The following LY6G5C variants were observed in gnomAD, a reference collection of about 807,000 sequenced individuals.
LY6G5C encodes lymphocyte antigen 6 family member G5C, also known as lymphocyte antigen 6 complex locus protein G5c.
A neutral mutation model predicts 10.5 loss-of-function variants in LY6G5C; 6 were observed. That is an observed-to-expected ratio of 0.57 (90% CI 0.31 to 1.12). The LOEUF (loss-of-function observed/expected upper bound fraction) is 1.12. Among genes scored for constraint, LY6G5C ranks in the 50% most tolerant of loss-of-function variants. The pLI is 0.05. For missense variants in LY6G5C, 160 were observed against 185.5 expected (o/e 0.86, Z 0.80); for synonymous variants, 69 against 67.8 (o/e 1.02, Z -0.09).
chr6:31,680,747 A>G (rs942683516), upstream of LY6G5C, among the ~76,000 whole-genome samples: 7 of 152,174 alleles, frequency 4.6e-5, no homozygotes, highest in African/African-American at 1.2e-4. The surrounding 1 kb of genome is among the most constrained non-coding windows in gnomAD (Gnocchi z 4.5). Flanking sequence ...CGACAGTTAA[A>G]CCACTGACCA....
chr6:31,680,079 C>A lies in LY6G5C; in HGVS notation c.121+174G>T. 1 of 630,028 alleles carries A rather than the reference C, an allele frequency of 1.6e-6. No individual in the cohort carries two copies. The highest frequency in any genetic ancestry group is 2.9e-5 in the Admixed American group (1 of 34,418). 39.0% of individuals were successfully genotyped at this position (630,028 alleles called of 1,614,324 possible). ...ATAATAATAATAAATTTTTAAAAAT[C>A]TTCAGATTGCACATCAGTCCATGAG... On this transcript the variant is annotated intron_variant, in intron 1 of 2. Transcript: ENST00000383237. The surrounding 1 kb of genome is among the most constrained non-coding windows in gnomAD (Gnocchi z 4.5).
chr6:31,677,218 G>GAAAAAT, intron 2 of LY6G5C, 98 bp from the exon 3 acceptor site: 1 of 1,289,022 alleles, frequency 7.8e-7, no homozygotes, highest in South Asian at 1.4e-5. Context: ...AAAAGAAAAA[G>GAAAAAT]AAAAGATTCC....
intron 2 of LY6G5C, among the ~76,000 whole-genome samples, chr6:31,678,496 CAGG>C (rs998983858): frequency 3.3e-5 from 5 of 152,200 alleles, no homozygotes; most frequent in Non-Finnish European, 7.3e-5. Context: ...GTGGAGGATG[CAGG>C]AGAAGAGCAA....
In LY6G5C at chr6:31,679,276, A is replaced by T. The variant is rs747256276; in HGVS notation, c.122-8T>A. On this transcript the variant is annotated splice_polypyrimidine_tract_variant and splice_region_variant and intron_variant, in intron 1 of 2. Coordinates refer to ENST00000383237, the Ensembl canonical transcript of LY6G5C. The surrounding 1 kb of genome is among the most constrained non-coding windows in gnomAD (Gnocchi z 4.4). ...TGACAGGAACAAACTTACCTAGAAC[A>T]CAGAGAAGTGCTGACCCCACTCACA... 7.4e-6 allele frequency: 12 copies of T among 1,612,994 alleles called. No individual in the cohort carries two copies. The Admixed American group carries it at 2.0e-4, about 27-fold the overall frequency.
rs1716953680 is a variant in LY6G5C, at chr6:31,679,814, A to G, written c.121+439T>C. Reference sequence around the variant, plus strand: ...TGTAATCCCAGCACTTTGGGAGGCCAAGGCGGGCAGGTACCTGAGGTCAGG... The same window carrying G: ...TGTAATCCCAGCACTTTGGGAGGCCGAGGCGGGCAGGTACCTGAGGTCAGG... On this transcript the variant is annotated intron_variant, in intron 1 of 2. Coordinates refer to ENST00000383237, the Ensembl canonical transcript of LY6G5C. The surrounding 1 kb of genome is among the most constrained non-coding windows in gnomAD (Gnocchi z 4.4). 5.3e-6 allele frequency: 1 copy of G among 188,106 alleles called. No individual in the cohort carries two copies. The highest frequency in any genetic ancestry group is 5.3e-5 in the Admixed American group (1 of 18,698). 11.7% of individuals were successfully genotyped at this position (188,106 alleles called of 1,614,324 possible).
chr6:31,676,846 A>C, exon 3 of LY6G5C: 1 of 1,026,376 alleles, frequency 9.7e-7, no homozygotes, highest in Non-Finnish European at 1.5e-6. Context: ...GGCTGGAGGG[A>C]GGCAAGGAGG....
At chr6:31,677,837 A>G (rs1802665408) in intron 2 of LY6G5C, among the ~76,000 whole-genome samples, 1 of 152,164 alleles carries the variant, frequency 6.6e-6, no homozygotes, top group African/African-American at 2.4e-5. Context: ...TGCAGGAGGG[A>G]TCATCCAGAA....
upstream of LY6G5C, chr6:31,680,508 A>T: frequency 7.2e-6 from 7 of 976,788 alleles, no homozygotes; most frequent in Non-Finnish European, 1.0e-5. This position sits in a 1 kb window ranked among gnomAD's most constrained non-coding sequence, Gnocchi z 4.5. Flanking sequence ...TCGCACCCAC[A>T]GCCACTCTGG....
downstream of LY6G5C, chr6:31,676,695 C>T (rs1562068139): frequency 4.2e-6 from 2 of 480,614 alleles, no homozygotes; most frequent in African/African-American, 1.9e-5. Flanking sequence ...ACAGTTTACA[C>T]ACAAATTTAT....
At chr6:31,678,976 A>T (rs1343311102) in intron 2 of LY6G5C, 125 bp downstream of exon 2, 1 of 1,133,062 alleles carries the variant, frequency 8.8e-7, no homozygotes, top group Non-Finnish European at 1.3e-6. Context: ...CAGCAAAAAA[A>T]AAAAGACAGG....
Position 31,680,197 on chromosome 6 carries a change from C to G in LY6G5C, c.121+56G>C. ...ACAGGTGTACCCAGACACTTGGTGTCTGTGGGTTTCTCCATCCAGGCCAGG... is the reference window on the plus strand; with the variant it reads ...ACAGGTGTACCCAGACACTTGGTGTGTGTGGGTTTCTCCATCCAGGCCAGG... On this transcript the variant is annotated intron_variant, in intron 1 of 2. Transcript: ENST00000383237. The surrounding 1 kb of genome is among the most constrained non-coding windows in gnomAD (Gnocchi z 4.5). 1.2e-6 allele frequency: 2 copies of G among 1,610,530 alleles called. No individual in the cohort carries two copies. The highest frequency in any genetic ancestry group is 1.7e-6 in the Non-Finnish European group (2 of 1,177,926).
At chr6:31,677,065 A>G (rs953865502) in exon 3 of LY6G5C, 12 of 1,612,916 alleles carry the variant, frequency 7.4e-6, no homozygotes, top group African/African-American at 1.3e-5. Context: ...TATTTGAACA[A>G]TCACTCATCT....
Position 31,679,361 on chromosome 6 carries a change from C to G in LY6G5C, c.122-93G>C. ...TCCAGGCCACTCAGCCCCACTCCTC[C>G]CTCCCTTCCTGTCTCAGAAAACCAT... On this transcript the variant is annotated intron_variant, in intron 1 of 2. Coordinates refer to ENST00000383237, the Ensembl canonical transcript of LY6G5C. This position sits in a 1 kb window ranked among gnomAD's most constrained non-coding sequence, Gnocchi z 4.4. The G allele has an allele frequency of 4.4e-6, 6 of 1,375,994 alleles. No homozygotes were observed. Among genetic ancestry groups the G allele is most frequent in the Non-Finnish European group, 5.1e-6 (5 of 972,268 alleles). 85.2% of individuals were successfully genotyped at this position (1,375,994 alleles called of 1,614,324 possible). A position where few individuals can be genotyped will look rare whatever the true frequency, so the allele number is the denominator to read the frequency against.
Position 31,680,286 on chromosome 6 carries a change from A to AG in LY6G5C, c.87dup (p.Ile31AsnfsTer12), listed in dbSNP as rs1270328882. 1 of 1,612,550 alleles carries AG rather than the reference A, an allele frequency of 6.2e-7. No individual in the cohort carries two copies. Among genetic ancestry groups the AG allele is most frequent in the African/African-American group, 1.3e-5 (1 of 74,792 alleles). ...AAGCTCATCATGACCAGCACTATTA[A>AG]GAGGACCGTGTAGAGGGCTTGGGGG... On this transcript the variant is annotated frameshift_variant, in exon 1 of 3. Coordinates refer to ENST00000383237, the Ensembl canonical transcript of LY6G5C. LOFTEE classifies it high-confidence loss of function. This position sits in a 1 kb window ranked among gnomAD's most constrained non-coding sequence, Gnocchi z 4.5.
intron 2 of LY6G5C, among the ~76,000 whole-genome samples, chr6:31,678,635 A>G (rs1213018536): frequency 6.6e-6 from 1 of 152,156 alleles, no homozygotes; most frequent in African/African-American, 2.4e-5. Flanking sequence ...TCAGCTACAG[A>G]TTGAGGAGAG....
exon 3 of LY6G5C, chr6:31,676,803 A>C: frequency 1.4e-6 from 1 of 709,852 alleles, no homozygotes; most frequent in Non-Finnish European, 2.4e-6. Flanking sequence ...GAAGGGCGTC[A>C]ACCAAGAGGA....
chr6:31,677,201 CAA>C (rs11443495), intron 2 of LY6G5C, 81 bp from the exon 3 acceptor site: 72 of 1,162,672 alleles, frequency 6.2e-5, no homozygotes, highest in Non-Finnish European at 7.3e-5. Context: ...ACTCATAAGT[CAA>C]AAAAAAAAGA....
rs761680180 is a variant in LY6G5C, at chr6:31,679,133, C to T, written c.257G>A (p.Gly86Asp). ...TTTGTGGAGAGTGATGCAGCTGCTG[C>T]CAGCTGGGGTGAGGCAGATGTCAGA... The change falls in exon 2 of 3, where the codon GGC (glycine) becomes GAC (aspartate). Residue 86 changes from glycine (G) to aspartate (D), a missense_variant. By Grantham distance (94) the Gly-to-Asp change is moderately conservative. Transcript: ENST00000383237. This position sits in a 1 kb window ranked among gnomAD's most constrained non-coding sequence, Gnocchi z 4.4. 1.2e-6 allele frequency: 2 copies of T among 1,612,952 alleles called. No individual in the cohort carries two copies. Among genetic ancestry groups the T allele is most frequent in the Admixed American group, 3.3e-5 (2 of 60,006 alleles).
Position 31,678,601 on chromosome 6 carries a change from G to A in LY6G5C, c.289+500C>T, listed in dbSNP as rs537064645. Among the ~76,000 whole-genome samples the A allele has an allele frequency of 9.2e-5, 14 of 152,288 alleles. No individual in the cohort carries two copies. In the South Asian group the frequency reaches 1.9e-3, roughly 20 times the overall value. ...TCTGGAGGGTCCCCGTCAAAGCTGC[G>A]CACCTTGATAGGGTAGAAGCTATTC... is the stretch of plus-strand genomic sequence containing the variant. On this transcript the variant is annotated intron_variant, in intron 2 of 2. Transcript: ENST00000383237.
Sources: gnomAD v4.1 joint callset for allele counts (sites outside exome capture counted in the v4.1 genomes callset) on GRCh38, gnomAD v4.1.1 for gene constraint, Gnocchi (gnomAD v3.1) non-coding constraint, MANE v1.5 for transcripts, NCBI Gene and HGNC (gene_info 2026-07-23, HGNC 2026-07-21) for gene names.